ST13: variants seen among roughly 807,000 people sequenced by gnomAD.
ST13 encodes hsc70-interacting protein.
ST13 carries 23 observed loss-of-function variants against 56.7 expected under a neutral mutation model. The ratio of observed to expected loss-of-function variants is 0.41; its 90% CI spans 0.29 to 0.57. ST13 has a LOEUF of 0.57. Among genes scored for constraint, ST13 ranks in the 20% least tolerant of loss-of-function variants. The pLI, the probability that ST13 is intolerant of heterozygous loss-of-function variation, is 0.36. For synonymous variants in ST13, 132 were observed against 142.4 expected (o/e 0.93, Z 0.52); for missense variants, 369 against 459.9 (o/e 0.80, Z 1.81).
intron 4 of ST13, among the ~76,000 whole-genome samples, chr22:40,842,097 AG>A (rs2145742468): frequency 6.6e-6 from 1 of 152,330 alleles, no homozygotes; most frequent in Non-Finnish European, 1.5e-5. Flanking sequence ...GAAAATTCAG[AG>A]CCACAGCCAG....
intron 3 of ST13, 95 bp from the exon 4 acceptor site, chr22:40,845,004 A>T (rs1165224306): frequency 1.3e-6 from 1 of 786,812 alleles, no homozygotes; most frequent in Non-Finnish European, 2.0e-6. Context: ...TGACTACTAC[A>T]ATTAATTATT....
At chr22:40,830,729 G>A (rs1197303621) in intron 9 of ST13, 111 bp downstream of exon 9, 1 of 642,888 alleles carries the variant, frequency 1.6e-6, no homozygotes, top group East Asian at 2.6e-5. Flanking sequence ...TTACTCTATA[G>A]AACTGTAGCC....
Position 40,826,662 on chromosome 22 carries a change from G to A in ST13, c.986C>T (p.Pro329Leu). The A allele has an allele frequency of 6.2e-7, 1 of 1,609,684 alleles. No homozygotes were observed. Among genetic ancestry groups the A allele is most frequent in the East Asian group, 2.2e-5 (1 of 44,860 alleles). ...ATCCTGGAAAGCCACCATAACTTCT[G>A]GATCCTGAAAAGAAAGGGTTCATTA... is the stretch of plus-strand genomic sequence containing the variant. ...DPEVLAAMQD[P>L]EVMVAFQDVA... The change falls in exon 12 of 12, where the codon CCA becomes CTA. Residue 329 changes from proline (P) to leucine (L), a missense_variant. Transcript: ENST00000216218.
intron 2 of ST13, among the ~76,000 whole-genome samples, chr22:40,849,479 C>CAAAAAAAAAAAAAAAAAA (rs57060131): frequency 3.6e-5 from 2 of 55,106 alleles, no homozygotes; most frequent in African/African-American, 5.5e-5. Context: ...GACTCTGTCT[C>CAAAAAAAAAAAAAAAAAA]AAAAAAAAAA....
intron 1 of ST13, among the ~76,000 whole-genome samples, chr22:40,856,047 AG>A (rs2057892221): frequency 6.6e-6 from 1 of 152,226 alleles, no homozygotes; most frequent in Non-Finnish European, 1.5e-5. Flanking sequence ...TAGTGCGTAA[AG>A]GAACTGCTAT....
At chr22:40,843,139 C>T (rs2057812574) in intron 4 of ST13, among the ~76,000 whole-genome samples, 1 of 152,050 alleles carries the variant, frequency 6.6e-6, no homozygotes, top group African/African-American at 2.4e-5. Flanking sequence ...AAGCACAAGA[C>T]TTATGGGGAA....
chr22:40,832,259 C>T (rs2057757560), intron 8 of ST13: 2 of 480,134 alleles, frequency 4.2e-6, no homozygotes, highest in African/African-American at 4.0e-5. Context: ...CTGGGTAATG[C>T]TAATTATAGA....
intron 9 of ST13, among the ~76,000 whole-genome samples, chr22:40,830,163 T>C (rs1036003879): frequency 6.6e-6 from 1 of 152,218 alleles, no homozygotes; most frequent in African/African-American, 2.4e-5. Flanking sequence ...TGAGGAGATA[T>C]ATTGCTTTTA....
At chr22:40,831,161 C>CCTG (rs1429497871) in intron 8 of ST13, among the ~76,000 whole-genome samples, 1 of 152,146 alleles carries the variant, frequency 6.6e-6, no homozygotes, top group Non-Finnish European at 1.5e-5. Context: ...AGTAAAGGGG[C>CCTG]CTGGGATTTG....
Position 40,849,149 on chromosome 22 carries a change from T to C in ST13, c.169-780A>G, listed in dbSNP as rs117717662. ...ATCTATTCACTCAACCATATATTGTTAACCATTTTTAGGTTGCTTCCCTGT... is the reference window on the plus strand; with the variant it reads ...ATCTATTCACTCAACCATATATTGTCAACCATTTTTAGGTTGCTTCCCTGT... On this transcript the variant is annotated intron_variant, in intron 2 of 11. Transcript: ENST00000216218. 3.6e-3 allele frequency among the ~76,000 whole-genome samples: 542 copies of C among 152,242 alleles called. 21 individuals are homozygous for C. The East Asian group carries it at 0.084, about 24-fold the overall frequency.
rs149037812 is a variant in ST13 at position 40,825,665 on chromosome 22, T to G, written c.*873A>C. 6.6e-6 allele frequency: 1 copy of G among 152,094 alleles called. No homozygotes were observed. The highest frequency in any genetic ancestry group is 1.5e-5 in the Non-Finnish European group (1 of 68,028). 9.4% of individuals were successfully genotyped at this position (152,094 alleles called of 1,614,324 possible). A position where few individuals can be genotyped will look rare whatever the true frequency, so the allele number is the denominator to read the frequency against. ...GATGCCGGTGGAAAAAGCCTGTCTT[T>G]AGCTCAAGAAAAGTAAGGGAGACAA... is the stretch of plus-strand genomic sequence containing the variant. On this transcript the variant is annotated 3_prime_UTR_variant, in exon 12 of 12. Transcript: ENST00000216218.
At chr22:40,829,598 AAC>A (rs751246878) in intron 10 of ST13, 26 bp downstream of exon 10, 2 of 1,297,340 alleles carry the variant, frequency 1.5e-6, no homozygotes, top group South Asian at 2.0e-5. Context: ...AATAGAACAA[AAC>A]AGTTTTAACT....
intron 1 of ST13, among the ~76,000 whole-genome samples, chr22:40,855,083 C>T (rs2057882576): frequency 6.6e-6 from 1 of 152,142 alleles, no homozygotes; most frequent in Admixed American, 6.5e-5. Flanking sequence ...CAGATTGTAA[C>T]GAGTTTTTTC....
intron 8 of ST13, chr22:40,832,298 T>C: frequency 2.0e-6 from 1 of 496,984 alleles, no homozygotes; most frequent in Non-Finnish European, 3.9e-6. Context: ...GTTGTAAACC[T>C]GATACCCCCT....
intron 4 of ST13, 144 bp from the exon 5 acceptor site, chr22:40,840,836 G>C: frequency 1.5e-6 from 1 of 658,416 alleles, no homozygotes. Flanking sequence ...AGACAATTAT[G>C]ATAACTCATT....
chr22:40,852,165 TATCA>T (rs2057864939), intron 1 of ST13, among the ~76,000 whole-genome samples: 1 of 152,258 alleles, frequency 6.6e-6, no homozygotes, highest in African/African-American at 2.4e-5. Context: ...GAAGTTCTTT[TATCA>T]ATTTACACTT....
rs57060131 is a variant in ST13 at position 40,849,479 on chromosome 22, CAAAAAAAAAAAA to C, written c.169-1122_169-1111del. Among the ~76,000 whole-genome samples, 102 of 55,108 alleles carry C rather than the reference CAAAAAAAAAAAA, an allele frequency of 1.9e-3. 1 individual carries two copies. Among genetic ancestry groups the C allele is most frequent in the African/African-American group, 5.4e-3 (98 of 18,158 alleles). 36.2% of individuals were successfully genotyped at this position (55,108 alleles called of 152,430 possible). A position where few individuals can be genotyped will look rare whatever the true frequency, so the allele number is the denominator to read the frequency against. On this transcript the variant is annotated intron_variant, in intron 2 of 11. Coordinates refer to ENST00000216218, the MANE Select transcript of ST13 (RefSeq NM_003932.5). The stretch of plus-strand genomic sequence containing the variant: ...TGGGCAACAGAGTGAGACTCTGTCT[CAAAAAAAAAAAA>C]AAAAAAAAAAAAATTAGAACCAAAA...
At chr22:40,843,870 A>C (rs1459903173) in intron 4 of ST13, among the ~76,000 whole-genome samples, 2 of 147,840 alleles carry the variant, frequency 1.4e-5, no homozygotes, top group East Asian at 3.9e-4. Flanking sequence ...CCTCATTAGG[A>C]ATCAGGAAAA....
At chr22:40,846,968 C>T (rs1258080592) in intron 3 of ST13, among the ~76,000 whole-genome samples, 1 of 152,038 alleles carries the variant, frequency 6.6e-6, no homozygotes, top group African/African-American at 2.4e-5. Context: ...ACACTCCAGC[C>T]TGGGTGGCAG....
Sources: allele counts gnomAD v4.1 joint callset (sites outside exome capture counted in the v4.1 genomes callset), GRCh38; gene constraint gnomAD v4.1.1; transcripts MANE v1.5; gene names NCBI Gene and HGNC (gene_info 2026-07-23, HGNC 2026-07-21).